The following ECPAS variants were observed in gnomAD, a reference collection of about 807,000 sequenced individuals.
ECPAS encodes proteasome adapter and scaffold protein ECM29.
In ECPAS, 70 loss-of-function variants were observed where a neutral mutation model predicts 255.1. The observed-to-expected ratio is 0.27, with a 90% CI of 0.23 to 0.33. ECPAS has a LOEUF of 0.33. Ranked by LOEUF, ECPAS falls within the 10% of genes least tolerant of loss-of-function variation. The probability of loss-of-function intolerance (pLI) is 1.00; values close to 1 mark genes in which losing one functional copy is unlikely to be tolerated. For synonymous variants in ECPAS, 784 were observed against 775.0 expected (o/e 1.01, Z -0.19); for missense variants, 1,817 against 2,206.4 (o/e 0.82, Z 3.54).
chr9:111,414,021 G>A (rs2131740071), intron 19 of ECPAS, 35 bp from the exon 20 acceptor site: 1 of 1,397,602 alleles, frequency 7.2e-7, no homozygotes. Flanking sequence ...TAAATTTCAA[G>A]AAAAGTAATG....
Position 111,363,676 on chromosome 9 carries a change from T to G in ECPAS, c.5309-17A>C. On this transcript the variant is annotated splice_polypyrimidine_tract_variant and intron_variant, in intron 48 of 49. Transcript: ENST00000684092. The stretch of plus-strand genomic sequence containing the variant: ...TCTTATTTTCTAAAAAGAAATATCA[T>G]ACAGTTCATATGGCCTGCCTGAAAA... 1 of 1,246,320 alleles carries G rather than the reference T, an allele frequency of 8.0e-7. No individual in the cohort carries two copies. The highest frequency in any genetic ancestry group is 1.1e-6 in the Non-Finnish European group (1 of 874,332). The allele number at this position is 1,246,320 out of a possible 1,614,324, so 77.2% of individuals were successfully genotyped here.
Position 111,484,270 on chromosome 9 carries a change from C to G in ECPAS, c.-237G>C. On this transcript the variant is annotated 5_prime_UTR_variant, in exon 1 of 50. Transcript: ENST00000684092. ...AGCGGGCCCGGGCTGCCCTAGCGGC[C>G]GGGGGAAATCCTCGAGGCGGGGCCG... 6.6e-7 allele frequency: 1 copy of G among 1,515,428 alleles called. No individual in the cohort carries two copies. Among genetic ancestry groups the G allele is most frequent in the East Asian group, 2.5e-5 (1 of 40,480 alleles). The allele number at this position is 1,515,428 out of a possible 1,614,324, so 93.9% of individuals were successfully genotyped here.
chr9:111,366,384 T>C, intron 47 of ECPAS, 57 bp from the exon 48 acceptor site: 1 of 1,412,016 alleles, frequency 7.1e-7, no homozygotes, highest in Admixed American at 2.0e-5. Flanking sequence ...AGTCTAAAAC[T>C]TTCCTGTCAC....
At chr9:111,385,549 C>T (rs1053048155) in intron 32 of ECPAS, 107 bp from the exon 33 acceptor site, 1 of 691,364 alleles carries the variant, frequency 1.4e-6, no homozygotes, top group South Asian at 1.7e-5. Context: ...TTCGAGTTCT[C>T]ATCCCCTCAC....
intron 16 of ECPAS, among the ~76,000 whole-genome samples, chr9:111,419,039 C>T (rs971864155): frequency 6.6e-6 from 1 of 152,040 alleles, no homozygotes; most frequent in African/African-American, 2.4e-5. Context: ...TAAATAACAG[C>T]AAAATATATA....
At chr9:111,449,625 C>T (rs2098257671) in intron 3 of ECPAS, among the ~76,000 whole-genome samples, 1 of 152,004 alleles carries the variant, frequency 6.6e-6, no homozygotes, top group Admixed American at 6.5e-5. Context: ...AAAAAAAAAT[C>T]TAAGATAAGT....
At chr9:111,467,470 TTGCGTG>T (rs2098280989) in intron 2 of ECPAS, among the ~76,000 whole-genome samples, 1 of 152,206 alleles carries the variant, frequency 6.6e-6, no homozygotes, top group African/African-American at 2.4e-5. Context: ...CACGAATTAC[TTGCGTG>T]AATTTCTGAG....
intron 2 of ECPAS, among the ~76,000 whole-genome samples, chr9:111,462,351 A>G (rs1319341166): frequency 6.6e-6 from 1 of 152,186 alleles, no homozygotes; most frequent in Non-Finnish European, 1.5e-5. Context: ...TACAGCAAAT[A>G]TATCTCATAC....
At position 111,472,682 on chromosome 9, in the gene ECPAS, T is replaced by C. The variant is rs554792361; in HGVS notation, c.22+215A>G. 1.7e-3 allele frequency among the ~76,000 whole-genome samples: 260 copies of C among 152,222 alleles called. 3 individuals carry two copies. The highest frequency in any genetic ancestry group is 4.4e-4 in the Non-Finnish European group (30 of 68,012). On this transcript the variant is annotated intron_variant, in intron 2 of 49. Coordinates refer to ENST00000684092, the MANE Select transcript of ECPAS (RefSeq NM_001364929.1). ...ACTTCAAGTTTTATCTTTTTCTTCT[T>C]TTTGCAAATTATTTTTATGTTTAGC... is the stretch of plus-strand genomic sequence containing the variant.
At chr9:111,451,677 C>G (rs1163451336) in intron 2 of ECPAS, 122 bp from the exon 3 acceptor site, 1 of 870,084 alleles carries the variant, frequency 1.1e-6, no homozygotes, top group East Asian at 2.7e-5. Context: ...TTAACCACAG[C>G]TAGCCCTATA....
At chr9:111,479,998 AC>A (rs890646239) in intron 1 of ECPAS, among the ~76,000 whole-genome samples, 13 of 151,664 alleles carry the variant, frequency 8.6e-5, no homozygotes, top group African/African-American at 2.4e-4. Context: ...AAAAAAAAAA[AC>A]TTTAACAATT....
At chr9:111,401,876 G>C (rs956398050) in intron 24 of ECPAS, among the ~76,000 whole-genome samples, 3 of 152,136 alleles carry the variant, frequency 2.0e-5, no homozygotes, top group Non-Finnish European at 4.4e-5. Flanking sequence ...ATCTTTCCTT[G>C]TTCCCTGAAA....
chr9:111,483,220 C>T (rs1262313177), intron 1 of ECPAS, among the ~76,000 whole-genome samples: 1 of 152,044 alleles, frequency 6.6e-6, no homozygotes, highest in Non-Finnish European at 1.5e-5. Flanking sequence ...GGGGGCTGGG[C>T]TCCCCCGACC....
chr9:111,392,320 A>T (rs1373386763), intron 28 of ECPAS, among the ~76,000 whole-genome samples: 1 of 152,222 alleles, frequency 6.6e-6, no homozygotes, highest in African/African-American at 2.4e-5. Context: ...CAGATGAAAA[A>T]GACATTTCAC....
At position 111,371,833 on chromosome 9, in the gene ECPAS, G is replaced by C; in HGVS notation, c.4529-4C>G. The C allele has an allele frequency of 6.3e-7, 1 of 1,596,658 alleles. No individual in the cohort carries two copies. Among genetic ancestry groups the C allele is most frequent in the Non-Finnish European group, 8.5e-7 (1 of 1,170,542 alleles). ...AATCGAATGCCACCAAAGGATCCTAGGAAAGCAAAATTAAAACAACTTTTA... is the reference window on the plus strand; with the variant it reads ...AATCGAATGCCACCAAAGGATCCTACGAAAGCAAAATTAAAACAACTTTTA... On this transcript the variant is annotated splice_region_variant and splice_polypyrimidine_tract_variant and intron_variant, in intron 42 of 49. Transcript: ENST00000684092.
chr9:111,384,376 C>CAAA, intron 34 of ECPAS, 146 bp downstream of exon 34: 1 of 691,984 alleles, frequency 1.4e-6, no homozygotes, highest in Non-Finnish European at 2.6e-6. Flanking sequence ...CACTCACTTT[C>CAAA]TCATTCATTC....
At chr9:111,467,441 T>C (rs1326088582) in intron 2 of ECPAS, among the ~76,000 whole-genome samples, 1 of 152,232 alleles carries the variant, frequency 6.6e-6, no homozygotes, top group African/African-American at 2.4e-5. Context: ...TATGTGTCAT[T>C]ACTAACTTAC....
At chr9:111,369,468 T>C (rs2098124754) in intron 45 of ECPAS, among the ~76,000 whole-genome samples, 1 of 152,194 alleles carries the variant, frequency 6.6e-6, no homozygotes, top group Non-Finnish European at 1.5e-5. Flanking sequence ...ATTTTAAAGA[T>C]GGAAGAAACT....
chr9:111,465,726 T>C (rs2098278725), intron 2 of ECPAS, among the ~76,000 whole-genome samples: 1 of 152,004 alleles, frequency 6.6e-6, no homozygotes, highest in Non-Finnish European at 1.5e-5. Flanking sequence ...ATACATTTTT[T>C]GATTAGAAAA....
Sources: allele counts gnomAD v4.1 joint callset (sites outside exome capture counted in the v4.1 genomes callset), GRCh38; gene constraint gnomAD v4.1.1; transcripts MANE v1.5; gene names NCBI Gene and HGNC (gene_info 2026-07-23, HGNC 2026-07-21).